The following C17orf113 variants were observed in gnomAD, a reference collection of about 807,000 sequenced individuals.
The protein encoded by C17orf113 is chromosome 17 open reading frame 113.
In C17orf113, 5 loss-of-function variants were observed where a neutral mutation model predicts 11.6. The observed-to-expected ratio is 0.43, with a 90% CI of 0.23 to 0.91. C17orf113 has a LOEUF of 0.91. Among genes scored for constraint, C17orf113 ranks in the 40% least tolerant of loss-of-function variants. C17orf113 has a pLI of 0.26. For synonymous variants in C17orf113, 327 were observed against 390.6 expected, an observed-to-expected ratio of 0.84 and a Z score of 1.92; for missense variants, 714 against 841.3, an observed-to-expected ratio of 0.85 and a Z score of 1.87.
At position 42,039,627 on chromosome 17, in the gene C17orf113, G is replaced by A. The variant is rs2052956050; in HGVS notation, c.*78C>T. Reference sequence around the variant, plus strand: ...CTGCAGTCAGCAGATCATCTTGGGTGCAGCATGGTCAAGTCTAGGTTGGCC... The same window carrying A: ...CTGCAGTCAGCAGATCATCTTGGGTACAGCATGGTCAAGTCTAGGTTGGCC... On this transcript the variant is annotated 3_prime_UTR_variant, in exon 3 of 3. Transcript: ENST00000587304. The A allele has an allele frequency of 8.4e-7, 1 of 1,185,304 alleles. No homozygotes were observed. The highest frequency in any genetic ancestry group is 1.1e-6 in the Non-Finnish European group (1 of 945,676). 73.4% of individuals were successfully genotyped at this position (1,185,304 alleles called of 1,614,324 possible).
intron 1 of C17orf113, among the ~76,000 whole-genome samples, chr17:42,049,210 TG>T (rs2143742654): frequency 6.6e-6 from 1 of 152,320 alleles, no homozygotes; most frequent in Non-Finnish European, 1.5e-5. Flanking sequence ...TTACCTGGCC[TG>T]TTTCATTTCC....
chr17:42,050,020 T>C lies in C17orf113; in HGVS notation c.-188+537A>G, dbSNP rs1214126141. Among the ~76,000 whole-genome samples the C allele has an allele frequency of 6.6e-6, 1 of 152,154 alleles. No homozygotes were observed. The highest frequency in any genetic ancestry group is 1.5e-5 in the Non-Finnish European group (1 of 68,026). On this transcript the variant is annotated intron_variant, in intron 1 of 2. Transcript: ENST00000587304. This position sits in a 1 kb window ranked among gnomAD's most constrained non-coding sequence, Gnocchi z 5.6. ...AAATTCCATTGACATTCTCCCCACC[T>C]CAACCTCAAGGAAACAGGCTGAGTG...
intron 1 of C17orf113, among the ~76,000 whole-genome samples, chr17:42,048,340 A>C (rs2053212105): frequency 6.7e-6 from 1 of 149,148 alleles, no homozygotes; most frequent in African/African-American, 2.5e-5. Flanking sequence ...TGAGTTTGAG[A>C]CCAGCCTGGG....
rs1180922639 is a variant in C17orf113 at position 42,038,297 on chromosome 17, G to A, written c.*1408C>T. 1.9e-5 allele frequency: 10 copies of A among 516,694 alleles called. No homozygotes were observed. In the African/African-American group the frequency reaches 2.0e-4, roughly 10 times the overall value. 32.0% of individuals were successfully genotyped at this position (516,694 alleles called of 1,614,324 possible). On this transcript the variant is annotated 3_prime_UTR_variant, in exon 3 of 3. Transcript: ENST00000587304. ...ACCCAGGGGTATTAGGAAAAGGCTA[G>A]CCCTCGCCCCTCTCACTCTCTAACT... is the stretch of plus-strand genomic sequence containing the variant.
chr17:42,040,033 A>C lies in C17orf113; in HGVS notation c.1700T>G (p.Val567Gly). The C allele has an allele frequency of 8.1e-7, 1 of 1,230,914 alleles. No individual in the cohort carries two copies. Among genetic ancestry groups the C allele is most frequent in the Non-Finnish European group, 1.0e-6 (1 of 987,434 alleles). The allele number at this position is 1,230,914 out of a possible 1,614,324, so 76.2% of individuals were successfully genotyped here. A position where few individuals can be genotyped will look rare whatever the true frequency, so the allele number is the denominator to read the frequency against. The part of the protein sequence containing the change: ...ALGDFALFKR[V>G]VFGLGRLGPR... ...GCCGAGCCGCCCAAGGCCGAATACT[A>C]CGCGCTTAAACAGCGCGAAGTCGCC... Residue 567 changes from valine (V) to glycine (G), a missense_variant, in exon 3 of 3, where the codon GTA becomes GGA. Physicochemically the swap from Val to Gly is moderately radical, Grantham distance 109. Transcript: ENST00000587304.
chr17:42,038,312 ACTCT>A lies in C17orf113; in HGVS notation c.*1389_*1392del. The A allele has an allele frequency of 2.1e-6, 1 of 471,766 alleles. No homozygotes were observed. The highest frequency in any genetic ancestry group is 3.8e-6 in the Non-Finnish European group (1 of 266,006). The allele number at this position is 471,766 out of a possible 1,614,324, so 29.2% of individuals were successfully genotyped here. On this transcript the variant is annotated 3_prime_UTR_variant, in exon 3 of 3. Coordinates refer to ENST00000587304, the MANE Select transcript of C17orf113 (RefSeq NM_001358661.2). ...GAAAAGGCTAGCCCTCGCCCCTCTC[ACTCT>A]CTAACTATCCTCCCTCCCTCCAGAT...
At chr17:42,044,975 T>C (rs7215073) in intron 1 of C17orf113, among the ~76,000 whole-genome samples, 116,424 of 149,446 alleles carry the variant, frequency 0.78, 46,077 homozygotes, top group South Asian at 0.86. Context: ...TGGAGTGCAG[T>C]GGCGCAATCT....
Position 42,040,928 on chromosome 17 carries a change from G to A in C17orf113, c.805C>T (p.Leu269Phe). The A allele has an allele frequency of 8.1e-7, 1 of 1,232,262 alleles. No individual in the cohort carries two copies. The highest frequency in any genetic ancestry group is 1.5e-5 in the African/African-American group (1 of 64,554). 76.3% of individuals were successfully genotyped at this position (1,232,262 alleles called of 1,614,324 possible). ...CGCTCACTGGGGAGGCTTGAGCTGA[G>A]CCAGGCCAGCTTGGGTGCAGATACG... is the stretch of plus-strand genomic sequence containing the variant. Reference protein sequence around the residue: ...FGVSAPKLAWLSSSLPSERLG... With the variant: ...FGVSAPKLAWFSSSLPSERLG... The change falls in exon 3 of 3, where the codon CTC (leucine) becomes TTC (phenylalanine). Residue 269 changes from leucine to phenylalanine, a missense_variant. Coordinates refer to ENST00000587304, the MANE Select transcript of C17orf113 (RefSeq NM_001358661.2).
At chr17:42,049,253 G>A (rs1435222357) in intron 1 of C17orf113, among the ~76,000 whole-genome samples, 3 of 152,142 alleles carry the variant, frequency 2.0e-5, no homozygotes, top group Non-Finnish European at 4.4e-5. Flanking sequence ...TCCATTCCCA[G>A]GAAGTCCCTT....
rs2052952183 is a variant in C17orf113, at chr17:42,039,532, G to A, written c.*173C>T. 8.0e-6 allele frequency: 3 copies of A among 375,948 alleles called. No individual in the cohort carries two copies. The Admixed American group carries it at 3.2e-4, about 40-fold the overall frequency. 23.3% of individuals were successfully genotyped at this position (375,948 alleles called of 1,614,324 possible). Reference sequence around the variant, plus strand: ...TCTTGAGCCAGTCCCTTCCTCCACAGCCCACAGGGTGGGGGGGGTTGGTGG... The same window carrying A: ...TCTTGAGCCAGTCCCTTCCTCCACAACCCACAGGGTGGGGGGGGTTGGTGG... On this transcript the variant is annotated 3_prime_UTR_variant, in exon 3 of 3. Transcript: ENST00000587304.
At chr17:42,048,089 C>T (rs2053205390) in intron 1 of C17orf113, among the ~76,000 whole-genome samples, 2 of 152,166 alleles carry the variant, frequency 1.3e-5, no homozygotes, top group South Asian at 4.1e-4. Context: ...GAGGTCATCT[C>T]CTCCCCCCCT....
chr17:42,041,084 T>A lies in C17orf113; in HGVS notation c.649A>T (p.Ser217Cys). 1 of 1,232,370 alleles carries A rather than the reference T, an allele frequency of 8.1e-7. No individual in the cohort carries two copies. Among genetic ancestry groups the A allele is most frequent in the Non-Finnish European group, 1.0e-6 (1 of 988,096 alleles). 76.3% of individuals were successfully genotyped at this position (1,232,370 alleles called of 1,614,324 possible). ...DETRDWPESH[S>C]LALFATSVSP... is the part of the protein sequence containing the mutation. Reference sequence around the variant, plus strand: ...ACTGAAGTGGCAAACAGGGCCAGGCTGTGTGACTCCGGCCAGTCTCTGGTC... The same window carrying A: ...ACTGAAGTGGCAAACAGGGCCAGGCAGTGTGACTCCGGCCAGTCTCTGGTC... Residue 217 changes from serine (S) to cysteine (C), a missense_variant, in exon 3 of 3, where the codon AGC becomes TGC. Physicochemically the swap from Ser to Cys is moderately radical, Grantham distance 112. Around this residue, in one of 3 missense-constraint regions of C17orf113, gnomAD observed 516 missense variants for 626.6 expected, o/e 0.82. Transcript: ENST00000587304.
chr17:42,041,879 A>G (rs191834197), intron 2 of C17orf113, among the ~76,000 whole-genome samples: 1 of 152,328 alleles, frequency 6.6e-6, no homozygotes, highest in East Asian at 1.9e-4. Context: ...GGAGAGGGCC[A>G]GGGATAAGCC....
chr17:42,047,075 A>G (rs1200788197), intron 1 of C17orf113, among the ~76,000 whole-genome samples: 3 of 140,384 alleles, frequency 2.1e-5, no homozygotes, highest in African/African-American at 8.2e-5. Context: ...TCTGTCACCC[A>G]GGCTGGAGCG....
intron 1 of C17orf113, among the ~76,000 whole-genome samples, chr17:42,047,710 G>C (rs782350877): frequency 4.6e-5 from 7 of 151,790 alleles, no homozygotes; most frequent in Non-Finnish European, 7.4e-5. Context: ...CTGGAGTGTA[G>C]TGGTGTGATC....
chr17:42,044,785 C>A (rs1463077461), intron 1 of C17orf113, among the ~76,000 whole-genome samples: 2 of 152,146 alleles, frequency 1.3e-5, no homozygotes, highest in Non-Finnish European at 2.9e-5. Flanking sequence ...AGACCTGGGG[C>A]CTCAGACTGA....
Position 42,040,153 on chromosome 17 carries a change from G to T in C17orf113, c.1580C>A (p.Pro527Gln). The change falls in exon 3 of 3, where the codon CCG (proline) becomes CAG (glutamine). Residue 527 changes from proline (P) to glutamine (Q), a missense_variant. Pro to Gln is a moderately conservative substitution (Grantham distance 76, BLOSUM62 -1). Around this residue, in one of 3 missense-constraint regions of C17orf113, gnomAD observed 194 missense variants for 197.2 expected, o/e 0.98. Transcript: ENST00000587304. ...CGTGCCCAGCTCCTCCGGCGCCTGCGGGTAGCGTCGGGGGTCGAAGATCGC... is the reference window on the plus strand; with the variant it reads ...CGTGCCCAGCTCCTCCGGCGCCTGCTGGTAGCGTCGGGGGTCGAAGATCGC... The part of the protein sequence containing the change: ...FAAIFDPRRY[P>Q]QAPEELGTHG... 3 of 1,231,526 alleles carry T rather than the reference G, an allele frequency of 2.4e-6. No individual in the cohort carries two copies. Among genetic ancestry groups the T allele is most frequent in the Non-Finnish European group, 3.0e-6 (3 of 987,812 alleles). The allele number at this position is 1,231,526 out of a possible 1,614,324, so 76.3% of individuals were successfully genotyped here. A position where few individuals can be genotyped will look rare whatever the true frequency, so the allele number is the denominator to read the frequency against.
rs1314698942 is a variant in C17orf113 at position 42,043,231 on chromosome 17, C to T, written c.146G>A (p.Arg49His). The change falls in exon 2 of 3, where the codon CGC becomes CAC. Residue 49 changes from arginine (R) to histidine (H), a missense_variant. Around this residue, in one of 3 missense-constraint regions of C17orf113, gnomAD observed 516 missense variants for 626.6 expected, o/e 0.82. Coordinates refer to ENST00000587304, the MANE Select transcript of C17orf113 (RefSeq NM_001358661.2). ...ATGCTTGTTCCGTACCAGGGCCTGG[C>T]GGCACTCGAGGCAGAACATCAGCTT... ...ERKLMFCLEC[R>H]QALVRNKHGK... 22 of 1,232,252 alleles carry T rather than the reference C, an allele frequency of 1.8e-5. No homozygotes were observed. Among genetic ancestry groups the T allele is most frequent in the South Asian group, 8.2e-5 (2 of 24,324 alleles). 76.3% of individuals were successfully genotyped at this position (1,232,252 alleles called of 1,614,324 possible).
At position 42,043,218 on chromosome 17, in the gene C17orf113, T is replaced by C. The variant is rs1268738028; in HGVS notation, c.159A>G (p.Val53=). 2 of 1,232,118 alleles carry C rather than the reference T, an allele frequency of 1.6e-6. No individual in the cohort carries two copies. Among genetic ancestry groups the C allele is most frequent in the Non-Finnish European group, 2.0e-6 (2 of 988,022 alleles). 76.3% of individuals were successfully genotyped at this position (1,232,118 alleles called of 1,614,324 possible). A position where few individuals can be genotyped will look rare whatever the true frequency, so the allele number is the denominator to read the frequency against. The change falls in exon 2 of 3, where the codon GTA becomes GTG. Residue 53 remains valine, a synonymous_variant. Transcript: ENST00000587304. ...MFCLECRQAL[V]RNKHGKAENA... ...TTTCGGCTTTGCCATGCTTGTTCCGTACCAGGGCCTGGCGGCACTCGAGGC... is the reference window on the plus strand; with the variant it reads ...TTTCGGCTTTGCCATGCTTGTTCCGCACCAGGGCCTGGCGGCACTCGAGGC...
Sources: allele counts gnomAD v4.1 joint callset (sites outside exome capture counted in the v4.1 genomes callset), GRCh38; gene constraint gnomAD v4.1.1; regional missense constraint gnomAD v4.1.1; non-coding constraint Gnocchi (gnomAD v3.1); transcripts MANE v1.5; gene names NCBI Gene and HGNC (gene_info 2026-07-23, HGNC 2026-07-21).